The following GRIK3 variants were observed in gnomAD, a reference collection of about 807,000 sequenced individuals.
GRIK3 encodes the protein glutamate receptor ionotropic, kainate 3.
GRIK3 carries 29 observed loss-of-function variants against 102.5 expected under a neutral mutation model. The ratio of observed to expected loss-of-function variants is 0.28; its 90% CI spans 0.21 to 0.39. GRIK3 has a LOEUF of 0.39. Among genes scored for constraint, GRIK3 ranks in the 10% least tolerant of loss-of-function variants. The pLI is 1.00. For missense variants in GRIK3, 908 were observed against 1,252.4 expected, an observed-to-expected ratio of 0.73 and a Z score of 4.15; for synonymous variants, 511 against 504.9, an observed-to-expected ratio of 1.01 and a Z score of -0.16.
chr1:36,935,639 C>A (rs574883552), intron 1 of GRIK3, among the ~76,000 whole-genome samples: 1 of 151,970 alleles, frequency 6.6e-6, no homozygotes. Context: ...TGAATGATCT[C>A]ACTAATGGTA....
chr1:37,004,737 A>G (rs949252628), intron 1 of GRIK3, among the ~76,000 whole-genome samples: 2 of 152,254 alleles, frequency 1.3e-5, no homozygotes. Flanking sequence ...TGACTTAGGC[A>G]GGGTGACAAC....
chr1:36,802,030 T>C lies in GRIK3; in HGVS notation c.2581A>G (p.Thr861Ala). Reference protein sequence around the residue: ...AEREQRSFCSTVADEIRFSLT... With the variant: ...AEREQRSFCSAVADEIRFSLT... ...GAGAAACGGATCTCATCGGCCACGG[T>C]GCTGCAGAAGGAACGCTGCAGGAGG... is the stretch of plus-strand genomic sequence containing the variant. Residue 861 changes from threonine (T) to alanine (A), a missense_variant, in exon 16 of 16, where the codon ACC becomes GCC. This residue lies in a region of GRIK3 where 297 missense variants were observed against 362.7 expected (regional missense o/e 0.82). Transcript: ENST00000373091. The C allele has an allele frequency of 6.2e-7, 1 of 1,612,010 alleles. No homozygotes were observed. The highest frequency in any genetic ancestry group is 8.5e-7 in the Non-Finnish European group (1 of 1,179,022).
intron 1 of GRIK3, among the ~76,000 whole-genome samples, chr1:36,902,985 TC>T (rs996123492): frequency 3.5e-4 from 54 of 152,216 alleles, no homozygotes; most frequent in African/African-American, 1.2e-3. Flanking sequence ...AGACAGGGTT[TC>T]CCCATCTTGG....
chr1:36,891,093 C>T lies in GRIK3; in HGVS notation c.119G>A (p.Gly40Glu), dbSNP rs768224744. The T allele has an allele frequency of 1.2e-6, 2 of 1,610,188 alleles. No homozygotes were observed. Among genetic ancestry groups the T allele is most frequent in the Non-Finnish European group, 1.7e-6 (2 of 1,177,630 alleles). Reference sequence around the variant, plus strand: ...GGGGCCGTCCGCATACTCGAAGATTCCTCCTGTGAAAGATGAGTAAAATTG... The same window carrying T: ...GGGGCCGTCCGCATACTCGAAGATTTCTCCTGTGAAAGATGAGTAAAATTG... ...RGMPHVIRIG[G>E]IFEYADGPNA... The change falls in exon 2 of 16, where the codon GGA becomes GAA. Residue 40 changes from glycine to glutamate, a missense_variant. Gly to Glu is a moderately conservative substitution (Grantham distance 98). This residue lies in a region of GRIK3 where 585 missense variants were observed against 824.9 expected (regional missense o/e 0.71). Coordinates refer to ENST00000373091, the MANE Select transcript of GRIK3 (RefSeq NM_000831.4).
At chr1:37,002,150 T>A (rs946700295) in intron 1 of GRIK3, among the ~76,000 whole-genome samples, 3 of 152,198 alleles carry the variant, frequency 2.0e-5, no homozygotes, top group African/African-American at 7.2e-5. Flanking sequence ...TTGATTTGAA[T>A]CTCATCCCTT....
At chr1:37,023,566 T>G (rs888342620) in intron 1 of GRIK3, among the ~76,000 whole-genome samples, 1 of 152,170 alleles carries the variant, frequency 6.6e-6, no homozygotes, top group Non-Finnish European at 1.5e-5. Context: ...AAGTGTAGGA[T>G]AGTGGATCCA....
At chr1:36,865,818 G>A (rs1288662361) in intron 5 of GRIK3, among the ~76,000 whole-genome samples, 4 of 152,216 alleles carry the variant, frequency 2.6e-5, no homozygotes, top group African/African-American at 7.2e-5. Flanking sequence ...AGTCAATGGG[G>A]AGTGCAAAGT....
intron 1 of GRIK3, among the ~76,000 whole-genome samples, chr1:36,894,166 T>G (rs1018161717): frequency 2.0e-5 from 3 of 152,164 alleles, no homozygotes; most frequent in Admixed American, 1.3e-4. Flanking sequence ...CCATTTACAG[T>G]CAATTATAGT....
intron 8 of GRIK3, among the ~76,000 whole-genome samples, chr1:36,852,403 T>C (rs920979547): frequency 3.9e-5 from 6 of 151,970 alleles, no homozygotes; most frequent in Non-Finnish European, 8.8e-5. Context: ...GGCCTGGAGG[T>C]CCAGGAGGGA....
chr1:37,034,133 G>C lies in GRIK3; in HGVS notation c.-25C>G, dbSNP rs773358382. 5 of 1,341,438 alleles carry C rather than the reference G, an allele frequency of 3.7e-6. No homozygotes were observed. The highest frequency in any genetic ancestry group is 5.1e-6 in the Non-Finnish European group (5 of 974,974). The allele number at this position is 1,341,438 out of a possible 1,614,324, so 83.1% of individuals were successfully genotyped here. A position where few individuals can be genotyped will look rare whatever the true frequency, so the allele number is the denominator to read the frequency against. On this transcript the variant is annotated 5_prime_UTR_variant, in exon 1 of 16. Transcript: ENST00000373091. ...TCGTTGGGCGCCGCCGAGCGTGCCC[G>C]GGGCGCGGCCGTGGCGGGCTCCCTG... is the stretch of plus-strand genomic sequence containing the variant.
At position 36,805,193 on chromosome 1, in the gene GRIK3, G is replaced by C; in HGVS notation, c.2359C>G (p.Gln787Glu). ...ATGATATGCAGCTTGTCCTCCTCCTGAAGCTGCAGGATGGCGATGGTGATC... is the reference window on the plus strand; with the variant it reads ...ATGATATGCAGCTTGTCCTCCTCCTCAAGCTGCAGGATGGCGATGGTGATC... ...DKITIAILQL[Q>E]EEDKLHIMKE... The change falls in exon 15 of 16, where the codon CAG becomes GAG. Residue 787 changes from glutamine (Q) to glutamate (E), a missense_variant. By Grantham distance (29) the Gln-to-Glu change is conservative. Around this residue, in one of 3 missense-constraint regions of GRIK3, gnomAD observed 297 missense variants for 362.7 expected, o/e 0.82. Transcript: ENST00000373091. The C allele has an allele frequency of 6.8e-6, 11 of 1,613,926 alleles. No individual in the cohort carries two copies. Among genetic ancestry groups the C allele is most frequent in the Non-Finnish European group, 9.3e-6 (11 of 1,179,904 alleles).
chr1:36,971,690 C>A (rs1480886643), intron 1 of GRIK3, among the ~76,000 whole-genome samples: 1 of 152,172 alleles, frequency 6.6e-6, no homozygotes, highest in Non-Finnish European at 1.5e-5. Context: ...AGGGAGGCTT[C>A]TGGGTGGCCT....
chr1:36,886,510 C>T (rs1641039269), intron 2 of GRIK3, among the ~76,000 whole-genome samples: 1 of 152,120 alleles, frequency 6.6e-6, no homozygotes, highest in Admixed American at 6.6e-5. Context: ...ATAGAGGGTA[C>T]CCAAAGGGGA....
At position 36,983,230 on chromosome 1, in the gene GRIK3, C is replaced by A. The variant is rs117957535; in HGVS notation, c.115+50764G>T. On this transcript the variant is annotated intron_variant, in intron 1 of 15. Transcript: ENST00000373091. ...GGGGCATGGTGCACACACAAACACA[C>A]CCTTCCCACAAACCGGGGATACTCA... Among the ~76,000 whole-genome samples the A allele has an allele frequency of 6.5e-3, 985 of 152,256 alleles. 20 individuals carry two copies. Among genetic ancestry groups the A allele is most frequent in the East Asian group, 0.048 (247 of 5,178 alleles).
At chr1:37,018,168 A>G (rs1007344312) in intron 1 of GRIK3, among the ~76,000 whole-genome samples, 1 of 152,172 alleles carries the variant, frequency 6.6e-6, no homozygotes, top group Admixed American at 6.5e-5. Flanking sequence ...TGGCTGCCAC[A>G]TGAATAAACC....
chr1:36,804,214 A>G (rs952890942), intron 15 of GRIK3, among the ~76,000 whole-genome samples: 1 of 152,198 alleles, frequency 6.6e-6, no homozygotes, highest in African/African-American at 2.4e-5. Context: ...CCTTCTATAT[A>G]TAATTTAACT....
intron 5 of GRIK3, among the ~76,000 whole-genome samples, chr1:36,865,747 G>T (rs1349240765): frequency 6.6e-6 from 1 of 152,250 alleles, no homozygotes; most frequent in East Asian, 1.9e-4. Context: ...AGGAGCCAAG[G>T]CCTCTTGTCA....
chr1:37,015,651 G>T (rs1300269874), intron 1 of GRIK3, among the ~76,000 whole-genome samples: 1 of 152,160 alleles, frequency 6.6e-6, no homozygotes, highest in Non-Finnish European at 1.5e-5. Flanking sequence ...CAGGGAGAGG[G>T]TGCCAAGCAC....
Position 36,979,652 on chromosome 1 carries a change from GTTC to G in GRIK3, c.115+54339_115+54341del, listed in dbSNP as rs1248013028. 2.0e-5 allele frequency among the ~76,000 whole-genome samples: 3 copies of G among 152,240 alleles called. No individual in the cohort carries two copies. The East Asian group carries it at 5.8e-4, about 29-fold the overall frequency. On this transcript the variant is annotated intron_variant, in intron 1 of 15. Transcript: ENST00000373091. ...GCTCATAAAGAAGAGTTGATCCAGA[GTTC>G]TTCTCTTGGGAATCTCAACTAAGAA... is the stretch of plus-strand genomic sequence containing the variant.
Sources: gnomAD v4.1 joint callset for allele counts (sites outside exome capture counted in the v4.1 genomes callset) on GRCh38, gnomAD v4.1.1 for gene constraint, gnomAD v4.1.1 regional missense constraint, MANE v1.5 for transcripts, NCBI Gene and HGNC (gene_info 2026-07-23, HGNC 2026-07-21) for gene names.